SEMA3E: variants seen among roughly 807,000 people sequenced by gnomAD.
SEMA3E encodes semaphorin-3E.
A neutral mutation model predicts 93.6 loss-of-function variants in SEMA3E; 49 were observed. That is an observed-to-expected ratio of 0.52 (90% CI 0.42 to 0.66). The LOEUF (loss-of-function observed/expected upper bound fraction) is 0.66. SEMA3E is among the 30% of genes least tolerant of loss of function. SEMA3E has a pLI of 0.00. For missense variants in SEMA3E, 906 were observed against 964.8 expected (o/e 0.94, Z 0.81); for synonymous variants, 363 against 330.7 (o/e 1.10, Z -1.06).
At chr7:83,468,563 T>G (rs1789822137) in intron 3 of SEMA3E, among the ~76,000 whole-genome samples, 1 of 152,070 alleles carries the variant, frequency 6.6e-6, no homozygotes, top group Non-Finnish European at 1.5e-5. Context: ...TTTTTTTTTT[T>G]TAACTGAAAA....
chr7:83,414,458 A>G (rs143538480), intron 5 of SEMA3E, among the ~76,000 whole-genome samples: 47 of 152,242 alleles, frequency 3.1e-4, no homozygotes, highest in Admixed American at 8.5e-4. Context: ...AAAATTCATA[A>G]TAAGGATATA....
chr7:83,528,620 C>G (rs1333666292), intron 1 of SEMA3E, among the ~76,000 whole-genome samples: 2 of 151,948 alleles, frequency 1.3e-5, no homozygotes, highest in African/African-American at 4.8e-5. Flanking sequence ...AAAAGTAAAA[C>G]CTAAGTCTTC....
intron 14 of SEMA3E, among the ~76,000 whole-genome samples, chr7:83,389,653 A>G (rs1234096121): frequency 1.3e-5 from 2 of 151,296 alleles, no homozygotes; most frequent in East Asian, 1.9e-4. Flanking sequence ...TATATATTAC[A>G]TGTATACATA....
intron 1 of SEMA3E, among the ~76,000 whole-genome samples, chr7:83,632,155 CAAAA>C (rs61218994): frequency 1.1e-5 from 1 of 90,860 alleles, no homozygotes; most frequent in Non-Finnish European, 2.3e-5. Flanking sequence ...AACTCCATCT[CAAAA>C]AAAAAAAAAA....
chr7:83,490,080 A>G lies in SEMA3E; in HGVS notation c.276+34T>C, dbSNP rs1283212749. On this transcript the variant is annotated intron_variant, in intron 2 of 16. Coordinates refer to ENST00000643230, the MANE Select transcript of SEMA3E (RefSeq NM_012431.3). ...ATTCTTGAAATTTCCCCCCTTTTCT[A>G]TCTCTACTGAAATGCAGTTTGATAT... 1.2e-6 allele frequency: 2 copies of G among 1,603,494 alleles called. 1 individual carries two copies. The highest frequency in any genetic ancestry group is 2.2e-5 in the South Asian group (2 of 90,842).
intron 1 of SEMA3E, among the ~76,000 whole-genome samples, chr7:83,629,537 G>A (rs913906136): frequency 1.3e-5 from 2 of 152,136 alleles, no homozygotes; most frequent in Non-Finnish European, 2.9e-5. Flanking sequence ...TGGCTTTGCC[G>A]AGCTACGATG....
chr7:83,390,022 T>TGC (rs1491551136), intron 14 of SEMA3E, among the ~76,000 whole-genome samples: 2 of 133,784 alleles, frequency 1.5e-5, no homozygotes, highest in East Asian at 2.1e-4. Flanking sequence ...TACGCGTATA[T>TGC]GTGTATACGT....
At chr7:83,581,712 T>C (rs1415112378) in intron 1 of SEMA3E, among the ~76,000 whole-genome samples, 5 of 152,008 alleles carry the variant, frequency 3.3e-5, no homozygotes, top group Non-Finnish European at 4.4e-5. Context: ...TGGAATTTGA[T>C]CAAAGCTATT....
At chr7:83,628,802 T>C (rs1297792070) in intron 1 of SEMA3E, among the ~76,000 whole-genome samples, 3 of 152,088 alleles carry the variant, frequency 2.0e-5, no homozygotes, top group Non-Finnish European at 4.4e-5. Context: ...ATCAAACTCA[T>C]TCTCCATCCA....
In SEMA3E at chr7:83,400,253, G is replaced by A; in HGVS notation, c.1144-3C>T. 6.2e-7 allele frequency: 1 copy of A among 1,613,100 alleles called. No homozygotes were observed. Among genetic ancestry groups the A allele is most frequent in the Non-Finnish European group, 8.5e-7 (1 of 1,179,250 alleles). ...CCTCCATTTACTTTGCTGGCACACT[G>A]AAAAACAAGTGGATCAGATAATTCT... On this transcript the variant is annotated splice_polypyrimidine_tract_variant and splice_region_variant and intron_variant, in intron 10 of 16. Coordinates refer to ENST00000643230, the MANE Select transcript of SEMA3E (RefSeq NM_012431.3).
rs192942013 is a variant in SEMA3E, at chr7:83,491,901, C to A, written c.116-1627G>T. On this transcript the variant is annotated intron_variant, in intron 1 of 16. Coordinates refer to ENST00000643230, the MANE Select transcript of SEMA3E (RefSeq NM_012431.3). ...TAAAAAGTAGAATCATACTGCTTTC[C>A]TTTGCATACAGCAAGAGAAGCACAG... Among the ~76,000 whole-genome samples, 5 of 152,094 alleles carry A rather than the reference C, an allele frequency of 3.3e-5. No individual in the cohort carries two copies. In the East Asian group the frequency reaches 9.6e-4, roughly 29 times the overall value.
At chr7:83,561,165 T>C (rs958325625) in intron 1 of SEMA3E, among the ~76,000 whole-genome samples, 1 of 152,090 alleles carries the variant, frequency 6.6e-6, no homozygotes, top group Non-Finnish European at 1.5e-5. Context: ...ATATTGCCAA[T>C]GTGAAAATAA....
chr7:83,550,509 G>A (rs1791744316), intron 1 of SEMA3E, among the ~76,000 whole-genome samples: 1 of 151,978 alleles, frequency 6.6e-6, no homozygotes, highest in Non-Finnish European at 1.5e-5. Context: ...AAAAATTGTG[G>A]CATATCTTTT....
chr7:83,634,574 GT>G (rs937126261), intron 1 of SEMA3E, among the ~76,000 whole-genome samples: 4 of 151,692 alleles, frequency 2.6e-5, no homozygotes, highest in African/African-American at 4.8e-5. Context: ...TCTTTTGATT[GT>G]TTTTTTAATT....
chr7:83,590,586 C>T (rs1197158554), intron 1 of SEMA3E, among the ~76,000 whole-genome samples: 1 of 152,096 alleles, frequency 6.6e-6, no homozygotes, highest in African/African-American at 2.4e-5. Flanking sequence ...ATTTGCTGGA[C>T]ATATGTGATG....
intron 5 of SEMA3E, among the ~76,000 whole-genome samples, chr7:83,409,351 T>C (rs1788391953): frequency 1.3e-5 from 2 of 152,082 alleles, no homozygotes. Context: ...TGCCCATCAG[T>C]TTTACCAGAA....
Position 83,448,215 on chromosome 7 carries a change from G to A in SEMA3E, c.456+18267C>T, listed in dbSNP as rs78967845. Among the ~76,000 whole-genome samples the A allele has an allele frequency of 2.3e-4, 35 of 152,268 alleles. No homozygotes were observed. The East Asian group carries it at 6.7e-3, about 29-fold the overall frequency. ...TGTTCCATATCATGTCCATGAATTA[G>A]CAATATAGTGTGTGACTGAATTTAT... is the stretch of plus-strand genomic sequence containing the variant. On this transcript the variant is annotated intron_variant, in intron 4 of 16. Coordinates refer to ENST00000643230, the MANE Select transcript of SEMA3E (RefSeq NM_012431.3).
chr7:83,539,191 A>AC (rs537152399), intron 1 of SEMA3E, among the ~76,000 whole-genome samples: 1 of 152,156 alleles, frequency 6.6e-6, no homozygotes, highest in Non-Finnish European at 1.5e-5. Flanking sequence ...AAAGCCTAGT[A>AC]CCAGGCTCTG....
chr7:83,367,153 T>C lies in SEMA3E; in HGVS notation c.*433A>G, dbSNP rs2116890927. 4.9e-6 allele frequency: 1 copy of C among 205,142 alleles called. No individual in the cohort carries two copies. The highest frequency in any genetic ancestry group is 2.4e-5 in the African/African-American group (1 of 42,068). 12.7% of individuals were successfully genotyped at this position (205,142 alleles called of 1,614,324 possible). A position where few individuals can be genotyped will look rare whatever the true frequency, so the allele number is the denominator to read the frequency against. ...GTTCACATGAGAATGCCAAAGTATC[T>C]TGTATTCTGCATATCTTACATTGTG... is the stretch of plus-strand genomic sequence containing the variant. On this transcript the variant is annotated 3_prime_UTR_variant, in exon 17 of 17. Coordinates refer to ENST00000643230, the MANE Select transcript of SEMA3E (RefSeq NM_012431.3).
Sources: allele counts gnomAD v4.1 joint callset (sites outside exome capture counted in the v4.1 genomes callset), GRCh38; gene constraint gnomAD v4.1.1; transcripts MANE v1.5; gene names NCBI Gene and HGNC (gene_info 2026-07-23, HGNC 2026-07-21).